The following PTPRN2 variants were observed in gnomAD, a reference collection of about 807,000 sequenced individuals.
The protein encoded by PTPRN2 is receptor-type tyrosine-protein phosphatase N2.
Under a neutral mutation model 118.8 loss-of-function variants are expected in PTPRN2, and 74 were observed. That is an observed-to-expected ratio of 0.62 (90% CI 0.52 to 0.76). PTPRN2 has a LOEUF of 0.76. Ranked by LOEUF, PTPRN2 falls within the 30% of genes least tolerant of loss-of-function variation. The pLI, the probability that PTPRN2 is intolerant of heterozygous loss-of-function variation, is 0.00. For missense variants in PTPRN2, 1,481 were observed against 1,394.4 expected (o/e 1.06, Z -0.99); for synonymous variants, 641 against 608.0 (o/e 1.05, Z -0.80).
At chr7:158,338,239 C>T (rs543242288) in intron 2 of PTPRN2, among the ~76,000 whole-genome samples, 1 of 79,044 alleles carries the variant, frequency 1.3e-5, no homozygotes, top group Admixed American at 1.2e-4. Context: ...TAGCTGTCGT[C>T]CGGAGGCGTC....
chr7:158,344,937 C>T (rs370379806), intron 2 of PTPRN2, among the ~76,000 whole-genome samples: 3 of 152,168 alleles, frequency 2.0e-5, no homozygotes, highest in East Asian at 3.9e-4. Flanking sequence ...AGCTGATGGA[C>T]GATACCCAAA....
chr7:158,136,991 A>G (rs1242172386), intron 7 of PTPRN2, among the ~76,000 whole-genome samples: 1 of 131,514 alleles, frequency 7.6e-6, no homozygotes, highest in Non-Finnish European at 1.6e-5. Context: ...CACGGCAAAA[A>G]AAAACCCCAT....
At chr7:157,563,329 ACATG>A (rs1162452337) in intron 21 of PTPRN2, among the ~76,000 whole-genome samples, 2 of 94,022 alleles carry the variant, frequency 2.1e-5, no homozygotes, top group Non-Finnish European at 2.1e-5. Flanking sequence ...TCACCACACC[ACATG>A]CAGCAGATCA....
chr7:158,531,997 G>A (rs1825279391), intron 1 of PTPRN2, among the ~76,000 whole-genome samples: 2 of 152,186 alleles, frequency 1.3e-5, no homozygotes, highest in East Asian at 1.9e-4. Flanking sequence ...AGCAACGTGG[G>A]TCCTTCCCTC....
At chr7:157,718,230 T>C (rs1215683914) in intron 12 of PTPRN2, among the ~76,000 whole-genome samples, 1 of 151,986 alleles carries the variant, frequency 6.6e-6, no homozygotes, top group Non-Finnish European at 1.5e-5. Flanking sequence ...GAATTTAGAG[T>C]TTTTGAACTA....
rs1336259032 is a variant in PTPRN2, at chr7:158,355,783, C to T, written c.164-38851G>A. 7.9e-5 allele frequency among the ~76,000 whole-genome samples: 12 copies of T among 152,224 alleles called. 1 individual carries two copies. Among genetic ancestry groups the T allele is most frequent in the South Asian group, 2.1e-4 (1 of 4,826 alleles). ...CAGCCTGAAGGAAGCATCCAGGGAA[C>T]GCAGGGGAAGAGCGTGAGCGTGAAC... On this transcript the variant is annotated intron_variant, in intron 2 of 22. Transcript: ENST00000389418.
chr7:158,500,360 T>C (rs975286091), intron 1 of PTPRN2, among the ~76,000 whole-genome samples: 1 of 152,214 alleles, frequency 6.6e-6, no homozygotes, highest in African/African-American at 2.4e-5. Context: ...TCGCTACATT[T>C]CCAGTGTGCT....
chr7:158,146,451 G>C (rs774980766), intron 6 of PTPRN2, among the ~76,000 whole-genome samples: 4 of 152,070 alleles, frequency 2.6e-5, no homozygotes, highest in Non-Finnish European at 4.4e-5. Flanking sequence ...GCTGGGCTTG[G>C]TGGCTCACAC....
At chr7:158,256,619 T>C (rs1466051080) in intron 3 of PTPRN2, among the ~76,000 whole-genome samples, 1 of 152,016 alleles carries the variant, frequency 6.6e-6, no homozygotes, top group Non-Finnish European at 1.5e-5. Flanking sequence ...GGACAAGTGA[T>C]GACGGCAGAG....
At chr7:158,212,743 C>T (rs1156366103) in intron 3 of PTPRN2, among the ~76,000 whole-genome samples, 1 of 152,164 alleles carries the variant, frequency 6.6e-6, no homozygotes, top group Non-Finnish European at 1.5e-5. Context: ...CCTCTACCTG[C>T]CCGCCACCAT....
At chr7:158,140,226 C>T (rs374021394) in intron 6 of PTPRN2, among the ~76,000 whole-genome samples, 2 of 152,214 alleles carry the variant, frequency 1.3e-5, no homozygotes, top group African/African-American at 4.8e-5. Flanking sequence ...GAAGCCTCCT[C>T]ACCGCGTCCA....
chr7:158,214,755 T>C (rs1827844409), intron 3 of PTPRN2, among the ~76,000 whole-genome samples: 1 of 151,674 alleles, frequency 6.6e-6, no homozygotes, highest in South Asian at 2.1e-4. Context: ...CCCACCCCTC[T>C]CCCTAACCAA....
intron 2 of PTPRN2, among the ~76,000 whole-genome samples, chr7:158,396,915 A>G (rs1170442214): frequency 6.6e-6 from 1 of 152,240 alleles, no homozygotes; most frequent in Non-Finnish European, 1.5e-5. Context: ...ACAAGGAAAA[A>G]GTACACGAGC....
rs145397678 is a variant in PTPRN2, at chr7:157,845,177, C to T, written c.1788+53496G>A. On this transcript the variant is annotated intron_variant, in intron 12 of 22. Coordinates refer to ENST00000389418, the MANE Select transcript of PTPRN2 (RefSeq NM_002847.5). The surrounding 1 kb of genome is among the most constrained non-coding windows in gnomAD (Gnocchi z 4.5). ...CTGCCTTTGTTGTTTTTCAAATGGA[C>T]TATTTTATTCCTAGAAAAAGATACA... is the stretch of plus-strand genomic sequence containing the variant. Among the ~76,000 whole-genome samples, 64 of 152,286 alleles carry T rather than the reference C, an allele frequency of 4.2e-4. No individual in the cohort carries two copies. The highest frequency in any genetic ancestry group is 1.3e-3 in the African/African-American group (54 of 41,550).
rs540987787 is a variant in PTPRN2 at position 157,918,340 on chromosome 7, T to C, written c.1724-19603A>G. ...AAAGTGTGAAGAACTTAAAACAAAT[T>C]ACCTGGGAACAACATAAAACCAAAC... On this transcript the variant is annotated intron_variant, in intron 11 of 22. Transcript: ENST00000389418. Among the ~76,000 whole-genome samples, 43 of 152,322 alleles carry C rather than the reference T, an allele frequency of 2.8e-4. No individual in the cohort carries two copies. In the South Asian group the frequency reaches 7.3e-3, roughly 26 times the overall value.
intron 2 of PTPRN2, among the ~76,000 whole-genome samples, chr7:158,400,307 C>T (rs1812836981): frequency 1.3e-5 from 2 of 152,128 alleles, no homozygotes; most frequent in South Asian, 4.1e-4. Context: ...TCGTCATGCA[C>T]AGAACCCATG....
chr7:158,322,869 G>A (rs1803153436), intron 2 of PTPRN2, among the ~76,000 whole-genome samples: 1 of 152,252 alleles, frequency 6.6e-6, no homozygotes, highest in Non-Finnish European at 1.5e-5. Context: ...GAGATTGCCA[G>A]GAGCCCATGG....
intron 12 of PTPRN2, among the ~76,000 whole-genome samples, chr7:157,840,119 C>A (rs2151180651): frequency 7.0e-6 from 1 of 143,676 alleles, no homozygotes; most frequent in East Asian, 2.2e-4. Context: ...GACTGTGTGA[C>A]TGTGACTGTG....
intron 11 of PTPRN2, among the ~76,000 whole-genome samples, chr7:158,075,577 G>A (rs1480462691): frequency 1.3e-5 from 2 of 152,158 alleles, no homozygotes; most frequent in East Asian, 1.9e-4. Context: ...AGCACCACCG[G>A]CCCACGCTTC....
Sources: gnomAD v4.1 joint callset for allele counts (sites outside exome capture counted in the v4.1 genomes callset) on GRCh38, gnomAD v4.1.1 for gene constraint, Gnocchi (gnomAD v3.1) non-coding constraint, MANE v1.5 for transcripts, NCBI Gene and HGNC (gene_info 2026-07-23, HGNC 2026-07-21) for gene names.